Variants in ZNF718 observed in about 807,000 individuals in gnomAD.
ZNF718 encodes zinc finger protein 718.
In ZNF718, 3 loss-of-function variants were observed where a neutral mutation model predicts 2.6. The ratio of observed to expected loss-of-function variants is 1.16; its 90% CI spans 0.53 to 3.01. The LOEUF (loss-of-function observed/expected upper bound fraction) is 3.01, where lower values mean the gene tolerates loss of function less well. Ranked by LOEUF, ZNF718 falls within the 30% of genes most tolerant of loss-of-function variation. The probability of loss-of-function intolerance (pLI) is 0.03; values close to 1 mark genes in which losing one functional copy is unlikely to be tolerated. For missense variants in ZNF718, 468 were observed against 230.0 expected, an observed-to-expected ratio of 2.03 and a Z score of -6.69; for synonymous variants, 135 against 77.9, an observed-to-expected ratio of 1.73 and a Z score of -3.86.
intron 3 of ZNF718, among the ~76,000 whole-genome samples, chr4:133,470 T>C (rs1715420814): frequency 6.6e-6 from 1 of 152,106 alleles, no homozygotes; most frequent in Non-Finnish European, 1.5e-5. Context: ...CTATTATCTT[T>C]TAATTTTGTC....
intron 3 of ZNF718, among the ~76,000 whole-genome samples, chr4:170,435 C>T (rs1000761093): frequency 6.6e-6 from 1 of 152,194 alleles, no homozygotes; most frequent in African/African-American, 2.4e-5. Flanking sequence ...TAATATCCTG[C>T]AGAGTGTTTT....
chr4:152,259 C>CT (rs1581447679), intron 3 of ZNF718, among the ~76,000 whole-genome samples: 1 of 143,126 alleles, frequency 7.0e-6, no homozygotes, highest in Admixed American at 7.1e-5. Flanking sequence ...ATTCCTTCCT[C>CT]TTTTACTAAT....
At chr4:151,512 C>G (rs1716321862) in intron 3 of ZNF718, among the ~76,000 whole-genome samples, 1 of 150,612 alleles carries the variant, frequency 6.6e-6, no homozygotes, top group Non-Finnish European at 1.5e-5. Context: ...CAGAGTTTTG[C>G]TCTGATTGCC....
downstream of ZNF718, among the ~76,000 whole-genome samples, chr4:167,281 G>T (rs1475837249): frequency 6.6e-6 from 1 of 152,156 alleles, no homozygotes; most frequent in Non-Finnish European, 1.5e-5. Flanking sequence ...AAGCCAGGTA[G>T]TATGATGCCC....
intron 3 of ZNF718, among the ~76,000 whole-genome samples, chr4:136,809 A>G (rs1553809394): frequency 2.0e-5 from 3 of 152,228 alleles, no homozygotes; most frequent in Non-Finnish European, 2.9e-5. Flanking sequence ...CATTGTATGT[A>G]TAAGCCACAT....
chr4:139,480 T>C (rs1715716339), intron 3 of ZNF718, among the ~76,000 whole-genome samples: 1 of 152,210 alleles, frequency 6.6e-6, no homozygotes, highest in Non-Finnish European at 1.5e-5. Context: ...AATAACTTTG[T>C]AACTTTATTT....
intron 3 of ZNF718, among the ~76,000 whole-genome samples, chr4:199,151 T>C (rs1717849940): frequency 6.6e-6 from 1 of 152,180 alleles, no homozygotes; most frequent in South Asian, 2.1e-4. Flanking sequence ...GAATGGTTGA[T>C]CAAGTTACCT....
At chr4:136,371 G>C (rs1715572283) in intron 3 of ZNF718, 1 of 520,186 alleles carries the variant, frequency 1.9e-6, no homozygotes, top group Non-Finnish European at 3.8e-6. Flanking sequence ...CCTGCCTCCA[G>C]GTCCATGGCT....
intron 3 of ZNF718, among the ~76,000 whole-genome samples, chr4:171,550 C>T (rs1553817992): frequency 6.6e-6 from 1 of 152,116 alleles, no homozygotes; most frequent in Admixed American, 6.5e-5. Context: ...ATGGTGGGCG[C>T]CCCTCCCCCA....
chr4:135,047 T>G (rs1715497352), intron 3 of ZNF718, among the ~76,000 whole-genome samples: 1 of 152,034 alleles, frequency 6.6e-6, no homozygotes, highest in African/African-American at 2.4e-5. Flanking sequence ...ATCAAGACCA[T>G]CCTGGCCAAC....
chr4:152,503 G>A (rs1046477037), intron 3 of ZNF718, among the ~76,000 whole-genome samples: 11 of 149,422 alleles, frequency 7.4e-5, no homozygotes, highest in Non-Finnish European at 8.9e-5. Flanking sequence ...GTTTAACAAA[G>A]CACATCTTGC....
At chr4:134,669 C>A (rs536212448) in intron 3 of ZNF718, among the ~76,000 whole-genome samples, 1 of 151,860 alleles carries the variant, frequency 6.6e-6, no homozygotes, top group East Asian at 1.9e-4. Context: ...CATATTTAAT[C>A]TCATCGGTTA....
At position 162,718 on chromosome 4, in the gene ZNF718, A is replaced by G. The variant is rs1716950812; in HGVS notation, c.*596A>G. 6.6e-6 allele frequency: 1 copy of G among 152,218 alleles called. No individual in the cohort carries two copies. Among genetic ancestry groups the G allele is most frequent in the Admixed American group, 6.5e-5 (1 of 15,276 alleles). 9.4% of individuals were successfully genotyped at this position (152,218 alleles called of 1,614,324 possible). ...TTGCCCAAACTTTCTTTGACATTAG[A>G]GAATTTATATTGGAAAGAAATTTTA... On this transcript the variant is annotated 3_prime_UTR_variant, in exon 4 of 4. Coordinates refer to ENST00000510175, the MANE Select transcript of ZNF718 (RefSeq NM_001039127.6).
At chr4:134,433 C>T (rs1304663242) in intron 3 of ZNF718, among the ~76,000 whole-genome samples, 1 of 152,140 alleles carries the variant, frequency 6.6e-6, no homozygotes, top group South Asian at 2.1e-4. Flanking sequence ...CGTGAGCCAC[C>T]GTGCCCAGCC....
downstream of ZNF718, among the ~76,000 whole-genome samples, chr4:164,637 A>C (rs1448599070): frequency 3.9e-5 from 6 of 152,176 alleles, no homozygotes; most frequent in Non-Finnish European, 8.8e-5. Flanking sequence ...AGAGCCCACA[A>C]AATAAATTTA....
intron 3 of ZNF718, among the ~76,000 whole-genome samples, chr4:146,155 C>T (rs1716049628): frequency 6.7e-6 from 1 of 149,954 alleles, no homozygotes; most frequent in Admixed American, 6.6e-5. Flanking sequence ...GTTAGGATTC[C>T]ATCCTTATAA....
At chr4:169,195 TG>T (rs1415103700) in intron 3 of ZNF718, among the ~76,000 whole-genome samples, 39 of 152,334 alleles carry the variant, frequency 2.6e-4, no homozygotes, top group African/African-American at 8.9e-4. Context: ...AGTTCTAGTT[TG>T]ATTGCACTGT....
intron 3 of ZNF718, among the ~76,000 whole-genome samples, chr4:173,958 G>C (rs1717297268): frequency 6.6e-6 from 1 of 152,178 alleles, no homozygotes; most frequent in East Asian, 1.9e-4. Context: ...CAAAGGCTTG[G>C]AACAAACACA....
At chr4:157,685 G>A (rs1277280665) in intron 3 of ZNF718, among the ~76,000 whole-genome samples, 1 of 151,928 alleles carries the variant, frequency 6.6e-6, no homozygotes, top group Non-Finnish European at 1.5e-5. Flanking sequence ...TTTCCAGTTT[G>A]GTCATAAAAA....
Sources: allele counts gnomAD v4.1 joint callset (sites outside exome capture counted in the v4.1 genomes callset), GRCh38; gene constraint gnomAD v4.1.1; transcripts MANE v1.5; gene names NCBI Gene and HGNC (gene_info 2026-07-23, HGNC 2026-07-21).